The following RUFY1 variants were observed in gnomAD, a reference collection of about 807,000 sequenced individuals.
RUFY1 encodes the protein RUN and FYVE domain-containing protein 1.
In RUFY1, 54 loss-of-function variants were observed where a neutral mutation model predicts 94.6. The observed-to-expected ratio is 0.57, with a 90% confidence interval of 0.46 to 0.72. The LOEUF is 0.72. Ranked by LOEUF, RUFY1 falls within the 30% of genes least tolerant of loss-of-function variation. The pLI, the probability that RUFY1 is intolerant of heterozygous loss-of-function variation, is 0.00. For synonymous variants in RUFY1, 396 were observed against 347.3 expected (o/e 1.14, Z -1.56); for missense variants, 883 against 883.9 (o/e 1.00, Z 0.01).
Position 179,591,753 on chromosome 5 carries a change from A to C in RUFY1, c.1245+12A>C. On this transcript the variant is annotated intron_variant, in intron 10 of 17. Transcript: ENST00000319449. ...AGAAAGTCCGGTTGGTGAGTGTGCA[A>C]GACCGAGTGTCTTTAGAAAGAGTTT... 6.9e-7 allele frequency: 1 copy of C among 1,458,650 alleles called. No individual in the cohort carries two copies. Among genetic ancestry groups the C allele is most frequent in the Non-Finnish European group, 9.5e-7 (1 of 1,051,830 alleles). 90.4% of individuals were successfully genotyped at this position (1,458,650 alleles called of 1,614,324 possible). A position where few individuals can be genotyped will look rare whatever the true frequency, so the allele number is the denominator to read the frequency against.
In RUFY1 at chr5:179,609,091, C is replaced by T. The variant is rs1032593598; in HGVS notation, c.1984-285C>T. 3.3e-5 allele frequency among the ~76,000 whole-genome samples: 5 copies of T among 151,104 alleles called. No individual in the cohort carries two copies. The East Asian group carries it at 5.9e-4, about 18-fold the overall frequency. ...AAAATTAGCCAGGTATAGTGGCGGG[C>T]ACCTGTAGACCCAGCTACTGCCGGA... On this transcript the variant is annotated intron_variant, in intron 17 of 17. Transcript: ENST00000319449.
In RUFY1 at chr5:179,596,682, G is replaced by A; in HGVS notation, c.1631+1G>A. 2 of 1,593,434 alleles carry A rather than the reference G, an allele frequency of 1.3e-6. No individual in the cohort carries two copies. The highest frequency in any genetic ancestry group is 1.7e-6 in the Non-Finnish European group (2 of 1,171,970). On this transcript the variant is annotated splice_donor_variant, in intron 13 of 17. Coordinates refer to ENST00000319449, the MANE Select transcript of RUFY1 (RefSeq NM_025158.5). LOFTEE classifies it high-confidence loss of function. ...AGCTCTCCCAGCTGCACGAGCAATG[G>A]TAGGGGCCCTGCAGGGAGCCTGGGC... is the stretch of plus-strand genomic sequence containing the variant.
At chr5:179,586,300 A>C in intron 8 of RUFY1, 1 of 459,256 alleles carries the variant, frequency 2.2e-6, no homozygotes, top group Non-Finnish European at 4.4e-6. Flanking sequence ...CAGCCTCCCC[A>C]CAGTGCGGTC....
At chr5:179,587,453 C>G (rs975850303) in intron 8 of RUFY1, among the ~76,000 whole-genome samples, 4 of 148,866 alleles carry the variant, frequency 2.7e-5, no homozygotes, top group African/African-American at 7.5e-5. Context: ...ACGTGATCTC[C>G]GCTCACTGCA....
intron 14 of RUFY1, among the ~76,000 whole-genome samples, 159 bp from the exon 15 acceptor site, chr5:179,601,733 C>T (rs1351050960): frequency 2.7e-5 from 4 of 145,806 alleles, no homozygotes; most frequent in South Asian, 2.2e-4. Flanking sequence ...GCAGGAGAAT[C>T]GCTTGAACCC....
intron 1 of RUFY1, among the ~76,000 whole-genome samples, chr5:179,554,504 T>G (rs1166787894): frequency 6.7e-6 from 1 of 150,040 alleles, no homozygotes; most frequent in Non-Finnish European, 1.5e-5. Flanking sequence ...GCATTGCACT[T>G]CAGCTAGGGC....
chr5:179,594,537 G>A lies in RUFY1; in HGVS notation c.1414-329G>A, dbSNP rs376086737. 5.5e-5 allele frequency among the ~76,000 whole-genome samples: 8 copies of A among 145,250 alleles called. No homozygotes were observed. The East Asian group carries it at 6.4e-4, about 12-fold the overall frequency. On this transcript the variant is annotated intron_variant, in intron 11 of 17. Transcript: ENST00000319449. ...AGCACTCTGGGAGGCCAAGGCAGGC[G>A]GATCACGACGTCAGGTGTTCGAGAC...
intron 12 of RUFY1, among the ~76,000 whole-genome samples, chr5:179,595,519 C>T (rs1339603504): frequency 1.3e-5 from 2 of 151,406 alleles, no homozygotes; most frequent in Admixed American, 6.6e-5. Context: ...AGGGCAGCTA[C>T]GGTTTCTTTT....
intron 10 of RUFY1, 62 bp from the exon 11 acceptor site, chr5:179,593,416 C>T: frequency 6.5e-7 from 1 of 1,544,152 alleles, no homozygotes; most frequent in Admixed American, 1.8e-5. Flanking sequence ...AGATTCAACC[C>T]CAGTTAAATA....
chr5:179,557,322 G>A (rs1004852699), intron 1 of RUFY1, among the ~76,000 whole-genome samples: 1 of 152,052 alleles, frequency 6.6e-6, no homozygotes, highest in African/African-American at 2.4e-5. Context: ...CCCAGCTACT[G>A]GGGAGGCTGA....
At position 179,609,666 on chromosome 5, in the gene RUFY1, C is replaced by G. The variant is rs918736878; in HGVS notation, c.*147C>G. 1 of 736,270 alleles carries G rather than the reference C, an allele frequency of 1.4e-6. No individual in the cohort carries two copies. Among genetic ancestry groups the G allele is most frequent in the South Asian group, 2.2e-5 (1 of 45,040 alleles). The allele number at this position is 736,270 out of a possible 1,614,324, so 45.6% of individuals were successfully genotyped here. A position where few individuals can be genotyped will look rare whatever the true frequency, so the allele number is the denominator to read the frequency against. On this transcript the variant is annotated 3_prime_UTR_variant, in exon 18 of 18. Transcript: ENST00000319449. ...ACTGGCACTCCAGAAGACAGCGTGC[C>G]GGAACCGGCAGCTCTCACCTTTCTG... is the stretch of plus-strand genomic sequence containing the variant.
chr5:179,580,924 C>T lies in RUFY1; in HGVS notation c.891-23C>T, dbSNP rs1554119170. 3.7e-5 allele frequency: 54 copies of T among 1,462,904 alleles called. No homozygotes were observed. The South Asian group carries it at 6.0e-4, about 16-fold the overall frequency. 90.6% of individuals were successfully genotyped at this position (1,462,904 alleles called of 1,614,324 possible). ...TAACCATTAATAAAAAAAAGTTCTT[C>T]CTTCTTATGCTCCTTTTAAAAGGCA... On this transcript the variant is annotated intron_variant, in intron 6 of 17. Coordinates refer to ENST00000319449, the MANE Select transcript of RUFY1 (RefSeq NM_025158.5).
At chr5:179,603,355 C>T (rs879424991) in intron 15 of RUFY1, among the ~76,000 whole-genome samples, 9 of 152,106 alleles carry the variant, frequency 5.9e-5, no homozygotes, top group South Asian at 2.1e-4. Context: ...GCTGGCCACT[C>T]GCCGTCTCTC....
intron 16 of RUFY1, 61 bp downstream of exon 16, chr5:179,605,985 G>T: frequency 9.3e-7 from 1 of 1,070,808 alleles, no homozygotes. Context: ...CCGTGTGCTC[G>T]TACGTTTAAG....
In RUFY1 at chr5:179,564,400, G is replaced by A. The variant is rs753673593; in HGVS notation, c.602+1736G>A. 4.0e-4 allele frequency among the ~76,000 whole-genome samples: 60 copies of A among 149,526 alleles called. 1 individual carries two copies. The highest frequency in any genetic ancestry group is 4.1e-4 in the Non-Finnish European group (28 of 67,564). The stretch of plus-strand genomic sequence containing the variant: ...CTCCCAAAGTGCTGGGATTATAGGT[G>A]TGAACCACTGTGCCTGGCTGTTTTT... On this transcript the variant is annotated intron_variant, in intron 3 of 17. Transcript: ENST00000319449.
At chr5:179,591,223 C>A (rs576475367) in intron 9 of RUFY1, among the ~76,000 whole-genome samples, 1 of 151,674 alleles carries the variant, frequency 6.6e-6, no homozygotes, top group Non-Finnish European at 1.5e-5. Context: ...CTTGCCCTGT[C>A]GCCCAGGCTG....
chr5:179,600,724 T>C (rs764977230), intron 14 of RUFY1, among the ~76,000 whole-genome samples: 15 of 126,468 alleles, frequency 1.2e-4, no homozygotes, highest in Non-Finnish European at 1.6e-4. Context: ...TGAGACGGAG[T>C]CTTGCTCTGT....
intron 7 of RUFY1, among the ~76,000 whole-genome samples, chr5:179,585,020 A>G (rs1298300158): frequency 1.3e-5 from 2 of 151,514 alleles, no homozygotes; most frequent in East Asian, 4.0e-4. Context: ...GGTCCCAGCT[A>G]TTTGGGAGGC....
intron 5 of RUFY1, among the ~76,000 whole-genome samples, chr5:179,572,999 A>G (rs1280191004): frequency 6.6e-6 from 1 of 152,196 alleles, no homozygotes; most frequent in Non-Finnish European, 1.5e-5. Flanking sequence ...AGTTTTTGCA[A>G]TATCATCATG....
Sources: gnomAD v4.1 joint callset for allele counts (sites outside exome capture counted in the v4.1 genomes callset) on GRCh38, gnomAD v4.1.1 for gene constraint, MANE v1.5 for transcripts, NCBI Gene and HGNC (gene_info 2026-07-23, HGNC 2026-07-21) for gene names.